The following SUGCT variants were observed in gnomAD, a reference collection of about 807,000 sequenced individuals.
SUGCT encodes the protein succinyl-CoA:glutarate-CoA transferase, also known as succinyl-CoA:glutarate CoA-transferase.
Under a neutral mutation model 55.0 loss-of-function variants are expected in SUGCT, and 41 were observed. The observed-to-expected ratio is 0.74, with a 90% CI of 0.58 to 0.97. The LOEUF is 0.97. Ranked by LOEUF, SUGCT falls within the 50% of genes least tolerant of loss-of-function variation. The pLI is 0.00. For synonymous variants in SUGCT, 187 were observed against 200.4 expected (o/e 0.93, Z 0.56); for missense variants, 568 against 547.8 (o/e 1.04, Z -0.37).
intron 12 of SUGCT, among the ~76,000 whole-genome samples, chr7:40,643,748 C>G (rs962969837): frequency 1.3e-5 from 2 of 152,108 alleles, no homozygotes; most frequent in African/African-American, 4.8e-5. Flanking sequence ...TACTGAGGCC[C>G]GTAAAATGGA....
intron 12 of SUGCT, among the ~76,000 whole-genome samples, chr7:40,617,513 G>C (rs1383399816): frequency 6.9e-6 from 1 of 144,618 alleles, no homozygotes; most frequent in Non-Finnish European, 1.5e-5. Context: ...GTGTGTGTGT[G>C]CATGTTTTCT....
chr7:40,365,663 A>G (rs1295033912), intron 9 of SUGCT, among the ~76,000 whole-genome samples: 5 of 151,842 alleles, frequency 3.3e-5, no homozygotes, highest in Non-Finnish European at 5.9e-5. Flanking sequence ...CCCATTCACA[A>G]TTGCTTCAAA....
At chr7:40,787,304 G>T (rs994958767) in intron 13 of SUGCT, among the ~76,000 whole-genome samples, 3 of 152,128 alleles carry the variant, frequency 2.0e-5, no homozygotes, top group African/African-American at 7.2e-5. Flanking sequence ...ACACACTGGA[G>T]TAAGCCCTGT....
chr7:41,015,813 A>C, the SUGCT span, among the ~76,000 whole-genome samples: 5 of 152,314 alleles, frequency 3.3e-5, no homozygotes, highest in Non-Finnish European at 5.9e-5. Context: ...TAGACCATTA[A>C]CATATATCCC....
intron 11 of SUGCT, among the ~76,000 whole-genome samples, chr7:40,471,664 G>C (rs887557302): frequency 1.3e-5 from 2 of 151,998 alleles, no homozygotes; most frequent in African/African-American, 2.4e-5. Context: ...ATTATCTTCA[G>C]AATTTAACAA....
chr7:41,009,072 G>A, the SUGCT span, among the ~76,000 whole-genome samples: 3 of 152,036 alleles, frequency 2.0e-5, no homozygotes, highest in Non-Finnish European at 2.9e-5. Context: ...CAATTTAGCC[G>A]GGTATGGTGG....
chr7:40,302,097 T>G (rs2151079549), intron 8 of SUGCT, among the ~76,000 whole-genome samples: 1 of 152,350 alleles, frequency 6.6e-6, no homozygotes, highest in East Asian at 1.9e-4. Context: ...TCATATGTTA[T>G]TAGTATTTGA....
intron 12 of SUGCT, among the ~76,000 whole-genome samples, chr7:40,620,915 G>A (rs779673683): frequency 1.3e-5 from 2 of 152,140 alleles, no homozygotes; most frequent in Non-Finnish European, 2.9e-5. Context: ...GTCTTGGTGA[G>A]TTTTAACTTA....
At chr7:40,394,049 A>T (rs1192153322) in intron 9 of SUGCT, among the ~76,000 whole-genome samples, 2 of 152,118 alleles carry the variant, frequency 1.3e-5, no homozygotes, top group Non-Finnish European at 1.5e-5. Flanking sequence ...ATTGTCGAAG[A>T]CCTGAACTTT....
At chr7:40,795,449 A>C (rs2128747483) in intron 13 of SUGCT, among the ~76,000 whole-genome samples, 1 of 152,274 alleles carries the variant, frequency 6.6e-6, no homozygotes, top group East Asian at 1.9e-4. Flanking sequence ...AAAACAGCTA[A>C]ATAGGAATGT....
intron 12 of SUGCT, among the ~76,000 whole-genome samples, chr7:40,640,928 G>A (rs1800242706): frequency 6.6e-6 from 1 of 152,236 alleles, no homozygotes. Flanking sequence ...AGGACCTGGG[G>A]CTGGAGATAT....
At position 40,272,185 on chromosome 7, in the gene SUGCT, T is replaced by C. The variant is rs528165019; in HGVS notation, c.577-2328T>C. On this transcript the variant is annotated intron_variant, in intron 7 of 13. Coordinates refer to ENST00000335693, the MANE Select transcript of SUGCT (RefSeq NM_001193313.2). ...ATATATATATATATATATATATATA[T>C]ATATATATACAGGGTCTCAGTCTTT... is the stretch of plus-strand genomic sequence containing the variant. Among the ~76,000 whole-genome samples the C allele has an allele frequency of 4.6e-3, 292 of 63,390 alleles. 6 individuals carry two copies. The highest frequency in any genetic ancestry group is 0.013 in the African/African-American group (255 of 19,480). 41.6% of individuals were successfully genotyped at this position (63,390 alleles called of 152,430 possible). A position where few individuals can be genotyped will look rare whatever the true frequency, so the allele number is the denominator to read the frequency against.
intron 12 of SUGCT, among the ~76,000 whole-genome samples, chr7:40,633,713 G>T (rs1296372641): frequency 1.3e-5 from 2 of 152,312 alleles, no homozygotes; most frequent in Middle Eastern, 3.4e-3. Flanking sequence ...CATAAAGGTA[G>T]CTTAGGAGAT....
At chr7:40,319,946 C>T (rs928085649) in intron 9 of SUGCT, among the ~76,000 whole-genome samples, 2 of 151,796 alleles carry the variant, frequency 1.3e-5, no homozygotes, top group East Asian at 1.9e-4. Flanking sequence ...GCTGGGATAC[C>T]GAGTAGCGGA....
intron 12 of SUGCT, among the ~76,000 whole-genome samples, chr7:40,657,734 C>T (rs1002760346): frequency 6.6e-6 from 1 of 152,320 alleles, no homozygotes; most frequent in African/African-American, 2.4e-5. Context: ...CGGGGTTTCG[C>T]CATGTTGGCC....
chr7:40,562,408 G>A (rs1795892283), intron 12 of SUGCT, among the ~76,000 whole-genome samples: 1 of 152,136 alleles, frequency 6.6e-6, no homozygotes, highest in Non-Finnish European at 1.5e-5. Flanking sequence ...GGTGTAAAAT[G>A]GTGTAGGATG....
chr7:40,278,778 C>G (rs1415289787), intron 8 of SUGCT, among the ~76,000 whole-genome samples: 2 of 151,538 alleles, frequency 1.3e-5, no homozygotes, highest in Admixed American at 6.6e-5. Flanking sequence ...TTTATCCATC[C>G]TTCCTTATGT....
At chr7:40,181,549 T>C (rs1461958061) in intron 2 of SUGCT, among the ~76,000 whole-genome samples, 1 of 151,920 alleles carries the variant, frequency 6.6e-6, no homozygotes, top group Non-Finnish European at 1.5e-5. Flanking sequence ...ATCGAGACCA[T>C]CCTGGCTAAC....
At chr7:40,829,262 A>ACTGCTG (rs745318484) in intron 13 of SUGCT, among the ~76,000 whole-genome samples, 1 of 151,822 alleles carries the variant, frequency 6.6e-6, no homozygotes, top group Admixed American at 6.6e-5. Context: ...ATCCATAAGG[A>ACTGCTG]CTGCTGCTGC....
Sources: allele counts gnomAD v4.1 joint callset (sites outside exome capture counted in the v4.1 genomes callset), GRCh38; gene constraint gnomAD v4.1.1; transcripts MANE v1.5; gene names NCBI Gene and HGNC (gene_info 2026-07-23, HGNC 2026-07-21).